Variants in GRID2 observed in about 807,000 individuals in gnomAD.
The protein encoded by GRID2 is glutamate ionotropic receptor delta type subunit 2, also known as glutamate receptor ionotropic, delta-2.
Under a neutral mutation model 114.8 loss-of-function variants are expected in GRID2, and 33 were observed. The observed-to-expected ratio is 0.29, with a 90% CI of 0.22 to 0.38. GRID2 has a LOEUF of 0.38. Ranked by LOEUF, GRID2 falls within the 10% of genes least tolerant of loss-of-function variation. The pLI, the probability that GRID2 is intolerant of heterozygous loss-of-function variation, is 1.00. For synonymous variants in GRID2, 505 were observed against 449.9 expected, an observed-to-expected ratio of 1.12 and a Z score of -1.55; for missense variants, 1,184 against 1,257.7, an observed-to-expected ratio of 0.94 and a Z score of 0.89.
In GRID2 at chr4:93,455,781, A is replaced by G. The variant is rs1470819359; in HGVS notation, c.1665A>G (p.Thr555=). ...VGVLLRRAEK[T]VDMFACLAPF... ...TACTACTTCGAAGGGCTGAAAAGACAGTGGATATGTTTGCCTGTCTTGCAC... is the reference window on the plus strand; with the variant it reads ...TACTACTTCGAAGGGCTGAAAAGACGGTGGATATGTTTGCCTGTCTTGCAC... Residue 555 remains threonine, a synonymous_variant, in exon 11 of 16, where the codon ACA becomes ACG. Transcript: ENST00000282020. The G allele has an allele frequency of 1.2e-6, 2 of 1,613,272 alleles. No homozygotes were observed. Among genetic ancestry groups the G allele is most frequent in the Non-Finnish European group, 1.7e-6 (2 of 1,179,360 alleles).
At position 92,777,106 on chromosome 4, in the gene GRID2, C is replaced by T. The variant is rs185598866; in HGVS notation, c.244+186820C>T. On this transcript the variant is annotated intron_variant, in intron 2 of 15. Transcript: ENST00000282020. ...TGTAAAGACTAGATAATTCTTCATC[C>T]GAGATACTAGAGAAGAGATTCCCAC... 2.3e-4 allele frequency among the ~76,000 whole-genome samples: 35 copies of T among 151,298 alleles called. 1 individual carries two copies. In the East Asian group the frequency reaches 5.1e-3, roughly 22 times the overall value.
At chr4:93,448,843 T>G (rs1580115481) in intron 10 of GRID2, among the ~76,000 whole-genome samples, 1 of 12,178 alleles carries the variant, frequency 8.2e-5, no homozygotes, top group African/African-American at 3.9e-4. Context: ...TCCCTTCCCT[T>G]CCCTTCCCTT....
intron 2 of GRID2, among the ~76,000 whole-genome samples, chr4:92,703,275 C>A (rs943771635): frequency 6.6e-6 from 1 of 151,922 alleles, no homozygotes; most frequent in Non-Finnish European, 1.5e-5. Context: ...TGGAGCCTGC[C>A]CCTGCAAATC....
chr4:93,309,598 G>A, intron 8 of GRID2, among the ~76,000 whole-genome samples: 1 of 151,786 alleles, frequency 6.6e-6, no homozygotes, highest in East Asian at 1.9e-4. Flanking sequence ...AATGAAACTG[G>A]AGAGTCTGCT....
intron 4 of GRID2, among the ~76,000 whole-genome samples, chr4:93,122,573 A>G (rs374032254): frequency 3.9e-5 from 6 of 152,124 alleles, no homozygotes; most frequent in African/African-American, 1.4e-4. Flanking sequence ...GCTGGATTCT[A>G]TGGTAAAAGT....
At chr4:92,398,255 C>A (rs185631751) in intron 1 of GRID2, among the ~76,000 whole-genome samples, 221 of 152,220 alleles carry the variant, frequency 1.5e-3, no homozygotes, top group African/African-American at 5.1e-3. Context: ...TGCCAAAGAG[C>A]AGCATGTATC....
At chr4:93,536,060 A>G (rs1732035355) in intron 13 of GRID2, among the ~76,000 whole-genome samples, 1 of 152,042 alleles carries the variant, frequency 6.6e-6, no homozygotes, top group Admixed American at 6.6e-5. Flanking sequence ...TGAAGAAGAC[A>G]CAAATAAATG....
intron 1 of GRID2, among the ~76,000 whole-genome samples, chr4:92,449,571 TAAC>T (rs1430451347): frequency 2.4e-4 from 36 of 150,474 alleles, no homozygotes; most frequent in African/African-American, 8.5e-4. Flanking sequence ...CATATAATAA[TAAC>T]TCTGTCATAA....
intron 4 of GRID2, among the ~76,000 whole-genome samples, chr4:93,115,544 C>T (rs1165023725): frequency 1.3e-5 from 2 of 152,052 alleles, no homozygotes; most frequent in African/African-American, 2.4e-5. Flanking sequence ...CTAATAATAT[C>T]TAATGGTTAT....
chr4:93,764,760 C>T (rs569006439), intron 14 of GRID2, among the ~76,000 whole-genome samples: 2 of 152,292 alleles, frequency 1.3e-5, no homozygotes, highest in African/African-American at 2.4e-5. Context: ...TATACTTCAG[C>T]ACTTCAATCC....
chr4:92,305,692 A>T (rs1043903258), intron 1 of GRID2, among the ~76,000 whole-genome samples: 1 of 152,048 alleles, frequency 6.6e-6, no homozygotes. Flanking sequence ...GGCCGCGGCG[A>T]GCAGGGGCGG....
chr4:93,548,764 C>G (rs1457014076), intron 13 of GRID2, among the ~76,000 whole-genome samples: 1 of 152,090 alleles, frequency 6.6e-6, no homozygotes, highest in Non-Finnish European at 1.5e-5. Flanking sequence ...ACAGTATGCC[C>G]ATTTTGTGGC....
intron 10 of GRID2, among the ~76,000 whole-genome samples, chr4:93,450,964 C>A (rs1231836651): frequency 1.3e-5 from 2 of 151,790 alleles, no homozygotes; most frequent in East Asian, 3.9e-4. Flanking sequence ...ATAAAACAGT[C>A]AATTTTCATA....
chr4:93,025,254 C>A (rs1257873087), intron 2 of GRID2, among the ~76,000 whole-genome samples: 1 of 151,750 alleles, frequency 6.6e-6, no homozygotes, highest in East Asian at 1.9e-4. Context: ...AAAGAGACTT[C>A]TCCATAAGTT....
At chr4:93,415,289 T>A (rs1008012766) in intron 9 of GRID2, among the ~76,000 whole-genome samples, 14 of 152,106 alleles carry the variant, frequency 9.2e-5, no homozygotes, top group Admixed American at 4.6e-4. Context: ...AAGTTCTTTG[T>A]ACCTAGAAAA....
At chr4:92,400,794 C>T (rs1347143008) in intron 1 of GRID2, among the ~76,000 whole-genome samples, 2 of 152,040 alleles carry the variant, frequency 1.3e-5, no homozygotes, top group African/African-American at 4.8e-5. Context: ...AAAAAATTAT[C>T]CTTGTGAGTG....
intron 14 of GRID2, among the ~76,000 whole-genome samples, chr4:93,744,396 A>T (rs1204757543): frequency 6.6e-6 from 1 of 152,250 alleles, no homozygotes; most frequent in Non-Finnish European, 1.5e-5. Context: ...TCATGGAAAG[A>T]GGACAAAATA....
intron 2 of GRID2, among the ~76,000 whole-genome samples, chr4:92,972,255 A>G (rs1578642225): frequency 6.7e-6 from 1 of 149,876 alleles, no homozygotes; most frequent in Admixed American, 6.7e-5. Context: ...GGGTGAGATG[A>G]TATCTCATTA....
At chr4:92,728,690 T>G (rs1007024121) in intron 2 of GRID2, among the ~76,000 whole-genome samples, 3 of 151,914 alleles carry the variant, frequency 2.0e-5, no homozygotes, top group Non-Finnish European at 4.4e-5. Flanking sequence ...TGGAAGGCAC[T>G]GCACAGACTT....
Sources: gnomAD v4.1 joint callset for allele counts (sites outside exome capture counted in the v4.1 genomes callset) on GRCh38, gnomAD v4.1.1 for gene constraint, MANE v1.5 for transcripts, NCBI Gene and HGNC (gene_info 2026-07-23, HGNC 2026-07-21) for gene names.